Variants in DTX1 observed in about 807,000 individuals in gnomAD.
DTX1 encodes E3 ubiquitin-protein ligase DTX1.
DTX1 carries 26 observed loss-of-function variants against 57.8 expected under a neutral mutation model. The ratio of observed to expected loss-of-function variants is 0.45; its 90% CI spans 0.33 to 0.62. The LOEUF (loss-of-function observed/expected upper bound fraction) is 0.62, where lower values mean the gene tolerates loss of function less well. Ranked by LOEUF, DTX1 falls within the 20% of genes least tolerant of loss-of-function variation. DTX1 has a pLI of 0.02. For synonymous variants in DTX1, 398 were observed against 394.1 expected (o/e 1.01, Z -0.12); for missense variants, 704 against 895.3 (o/e 0.79, Z 2.73).
chr12:113,076,549 A>C (rs893770284), intron 2 of DTX1, among the ~76,000 whole-genome samples: 1 of 151,954 alleles, frequency 6.6e-6, no homozygotes, highest in Non-Finnish European at 1.5e-5. Context: ...GGATTGCTTG[A>C]GCCGAAGAGT....
At chr12:113,066,358 CT>C (rs1360050562) in intron 2 of DTX1, among the ~76,000 whole-genome samples, 6 of 151,898 alleles carry the variant, frequency 4.0e-5, no homozygotes, top group Non-Finnish European at 5.9e-5. Flanking sequence ...GTAAAACCCC[CT>C]CTCTACTAAA....
intron 2 of DTX1, among the ~76,000 whole-genome samples, chr12:113,063,524 C>T (rs1053226474): frequency 1.3e-5 from 2 of 152,250 alleles, no homozygotes; most frequent in African/African-American, 4.8e-5. Flanking sequence ...TGTCGCTCTC[C>T]ATGTGCTGCT....
Position 113,093,899 on chromosome 12 carries a change from T to TGGCCAACCCTTGCCAGCCTGACCCC in DTX1, c.1166-113_1166-89dup, listed in dbSNP as rs1032603759. ...TCCAGCAACCCCTGACCTCTGACCC[T>TGGCCAACCCTTGCCAGCCTGACCCC]GGCCAACCCTTGCCAGCCTGACCCC... On this transcript the variant is annotated intron_variant, in intron 5 of 9. Coordinates refer to ENST00000548759, the MANE Select transcript of DTX1 (RefSeq NM_004416.3). This position sits in a 1 kb window ranked among gnomAD's most constrained non-coding sequence, Gnocchi z 4.2. The TGGCCAACCCTTGCCAGCCTGACCCC allele has an allele frequency of 3.1e-5, 45 of 1,428,616 alleles. No individual in the cohort carries two copies. The African/African-American group carries it at 5.7e-4, about 18-fold the overall frequency. 88.5% of individuals were successfully genotyped at this position (1,428,616 alleles called of 1,614,324 possible).
chr12:113,091,790 G>C (rs1168138758), intron 3 of DTX1, among the ~76,000 whole-genome samples: 3 of 152,220 alleles, frequency 2.0e-5, no homozygotes, highest in Non-Finnish European at 4.4e-5. Flanking sequence ...GGCTGCTGCA[G>C]CTCCTTCTCC....
intron 3 of DTX1, among the ~76,000 whole-genome samples, chr12:113,091,552 G>T (rs886603918): frequency 1.3e-5 from 2 of 152,102 alleles, no homozygotes; most frequent in African/African-American, 4.8e-5. Context: ...AAGTCTGTGT[G>T]GTCTTCTCCA....
chr12:113,081,024 T>C (rs1034762935), intron 3 of DTX1, among the ~76,000 whole-genome samples: 3 of 151,604 alleles, frequency 2.0e-5, no homozygotes, highest in African/African-American at 2.4e-5. Context: ...TTTCTGCATA[T>C]GTTTAATAGG....
At chr12:113,086,475 C>T (rs765144907) in intron 3 of DTX1, among the ~76,000 whole-genome samples, 1 of 152,140 alleles carries the variant, frequency 6.6e-6, no homozygotes, top group Non-Finnish European at 1.5e-5. Flanking sequence ...AGGACTTTGG[C>T]TTTTGCTCTG....
In DTX1 at chr12:113,058,391, G is replaced by A. The variant is rs764835647; in HGVS notation, c.199G>A (p.Ala67Thr). 33 of 1,609,042 alleles carry A rather than the reference G, an allele frequency of 2.1e-5. No homozygotes were observed. The highest frequency in any genetic ancestry group is 2.6e-5 in the Non-Finnish European group (31 of 1,179,966). The change falls in exon 2 of 10, where the codon GCC becomes ACC. Residue 67 changes from alanine to threonine, a missense_variant. Physicochemically the swap from Ala to Thr is moderately conservative, Grantham distance 58. Transcript: ENST00000548759. ...TTCCGTGGTCCTGGGGCAGGTGGAC[G>A]CCCAGCTTGTGCCCTACATCATCGA... ...RGSVVLGQVDAQLVPYIIDLQ... is the reference protein window; with the variant it reads ...RGSVVLGQVDTQLVPYIIDLQ...
chr12:113,095,320 T>C lies in DTX1; in HGVS notation c.1549-5T>C, dbSNP rs566085858. 38 of 1,613,940 alleles carry C rather than the reference T, an allele frequency of 2.4e-5. No homozygotes were observed. The highest frequency in any genetic ancestry group is 3.1e-5 in the Non-Finnish European group (36 of 1,179,954). ...TCTAAATCCCTGTACTGTCCCTCTC[T>C]GCAGGGCCCTGAGCACCCCAACCCC... On this transcript the variant is annotated splice_region_variant and splice_polypyrimidine_tract_variant and intron_variant, in intron 8 of 9. Transcript: ENST00000548759.
intron 2 of DTX1, among the ~76,000 whole-genome samples, chr12:113,072,836 T>C (rs1246002374): frequency 6.6e-6 from 1 of 151,046 alleles, no homozygotes; most frequent in Non-Finnish European, 1.5e-5. Flanking sequence ...CCTGAGTAAC[T>C]GGGATTACAG....
chr12:113,076,385 G>T (rs2044772163), intron 2 of DTX1, among the ~76,000 whole-genome samples: 2 of 151,740 alleles, frequency 1.3e-5, no homozygotes, highest in Non-Finnish European at 2.9e-5. Flanking sequence ...CTTGAACCTG[G>T]AGGCGGAGAT....
At chr12:113,073,055 C>A (rs866340574) in intron 2 of DTX1, among the ~76,000 whole-genome samples, 13 of 152,102 alleles carry the variant, frequency 8.5e-5, no homozygotes, top group African/African-American at 3.1e-4. Flanking sequence ...TCTGCACCTC[C>A]TATCCCGGCC....
chr12:113,071,971 CCT>C (rs2044740833), intron 2 of DTX1, among the ~76,000 whole-genome samples: 1 of 152,240 alleles, frequency 6.6e-6, no homozygotes, highest in Admixed American at 6.5e-5. Context: ...GAGAGGGAGG[CCT>C]GGGCTAGCTG....
intron 1 of DTX1, 70 bp downstream of exon 1, chr12:113,057,014 TCTGGG>T (rs2044628644): frequency 6.6e-6 from 1 of 151,634 alleles, no homozygotes; most frequent in African/African-American, 2.4e-5. Context: ...CTCGGGGACG[TCTGGG>T]CTGGGGAAGC....
intron 2 of DTX1, among the ~76,000 whole-genome samples, chr12:113,064,236 C>T (rs557025752): frequency 1.1e-4 from 17 of 152,190 alleles, no homozygotes; most frequent in South Asian, 2.1e-4. Context: ...GGGCAGGGAG[C>T]GGCCCATCTC....
At position 113,095,030 on chromosome 12, in the gene DTX1, T is replaced by C. The variant is rs1408755479; in HGVS notation, c.1387-12T>C. 1 of 1,605,910 alleles carries C rather than the reference T, an allele frequency of 6.2e-7. No homozygotes were observed. Among genetic ancestry groups the C allele is most frequent in the Non-Finnish European group, 8.5e-7 (1 of 1,173,636 alleles). The stretch of plus-strand genomic sequence containing the variant: ...GGGTGCTGGGAACTCACTGCCAGCC[T>C]CCCCTGCCCAGGATGGCAGCCTGCA... On this transcript the variant is annotated splice_polypyrimidine_tract_variant and intron_variant, in intron 7 of 9. Coordinates refer to ENST00000548759, the MANE Select transcript of DTX1 (RefSeq NM_004416.3).
chr12:113,084,585 A>G (rs1303498718), intron 3 of DTX1, among the ~76,000 whole-genome samples: 3 of 152,126 alleles, frequency 2.0e-5, no homozygotes, highest in African/African-American at 7.2e-5. Context: ...GCGTCTCACT[A>G]TGTTGCCCAG....
Position 113,094,028 on chromosome 12 carries a change from G to C in DTX1, c.1166-10G>C. 6.4e-7 allele frequency: 1 copy of C among 1,571,438 alleles called. No homozygotes were observed. Among genetic ancestry groups the C allele is most frequent in the Non-Finnish European group, 8.6e-7 (1 of 1,157,262 alleles). ...GGTACCCTCAAACCCACCCCGCTGT[G>C]TCCCTGCAGGTAAGAATCCCGAGGA... is the stretch of plus-strand genomic sequence containing the variant. On this transcript the variant is annotated splice_polypyrimidine_tract_variant and intron_variant, in intron 5 of 9. Coordinates refer to ENST00000548759, the MANE Select transcript of DTX1 (RefSeq NM_004416.3).
Position 113,092,539 on chromosome 12 carries a change from A to G in DTX1, c.942-623A>G, listed in dbSNP as rs149206448. ...TAGGGGCTCTTCATTTGAAGAGAGG[A>G]TAGTACCTTGTCACAGAAACTGACA... On this transcript the variant is annotated intron_variant, in intron 3 of 9. Coordinates refer to ENST00000548759, the MANE Select transcript of DTX1 (RefSeq NM_004416.3). 4.0e-4 allele frequency among the ~76,000 whole-genome samples: 61 copies of G among 152,272 alleles called. 1 individual carries two copies. In the East Asian group the frequency reaches 0.011, roughly 26 times the overall value.
Sources: allele counts gnomAD v4.1 joint callset (sites outside exome capture counted in the v4.1 genomes callset), GRCh38; gene constraint gnomAD v4.1.1; non-coding constraint Gnocchi (gnomAD v3.1); transcripts MANE v1.5; gene names NCBI Gene and HGNC (gene_info 2026-07-23, HGNC 2026-07-21).